Variants in CNTLN observed in about 807,000 individuals in gnomAD.
CNTLN encodes the protein centlein, centrosomal protein.
In CNTLN, 212 loss-of-function variants were observed where a neutral mutation model predicts 180.0. The ratio of observed to expected loss-of-function variants is 1.18; its 90% confidence interval spans 1.05 to 1.32. The LOEUF (loss-of-function observed/expected upper bound fraction) is 1.32. Among genes scored for constraint, CNTLN ranks in the 40% most tolerant of loss-of-function variants. CNTLN has a pLI of 0.00. For synonymous variants in CNTLN, 722 were observed against 563.1 expected, an observed-to-expected ratio of 1.28 and a Z score of -3.99; for missense variants, 2,095 against 1,610.9, an observed-to-expected ratio of 1.30 and a Z score of -5.14.
At chr9:17,337,673 G>C (rs1052949505) in intron 10 of CNTLN, among the ~76,000 whole-genome samples, 7 of 152,048 alleles carry the variant, frequency 4.6e-5, no homozygotes, top group Non-Finnish European at 8.8e-5. Flanking sequence ...TAGTTTCTAT[G>C]GACAATTAGG....
chr9:17,355,139 T>A (rs574506887), intron 12 of CNTLN, among the ~76,000 whole-genome samples: 2 of 152,316 alleles, frequency 1.3e-5, no homozygotes, highest in East Asian at 3.9e-4. Context: ...AGCTTCATTC[T>A]TGAAGTTAGT....
chr9:17,502,630 C>A lies in CNTLN; in HGVS notation c.4199C>A (p.Thr1400Lys), dbSNP rs563559086. ...EKKKLVEGYF[T>K]IMKDIR ...AAGAAACTAGTTGAAGGATATTTCACAATTATGAAAGATATTAGATGATAT... is the reference window on the plus strand; with the variant it reads ...AAGAAACTAGTTGAAGGATATTTCAAAATTATGAAAGATATTAGATGATAT... Residue 1400 changes from threonine to lysine, a missense_variant, in exon 26 of 26, where the codon ACA becomes AAA. By Grantham distance (78) the Thr-to-Lys change is moderately conservative (BLOSUM62 -1). Coordinates refer to ENST00000380647, the MANE Select transcript of CNTLN (RefSeq NM_017738.4). 3.9e-5 allele frequency: 52 copies of A among 1,328,976 alleles called. No homozygotes were observed. In the Middle Eastern group the frequency reaches 5.7e-4, roughly 14 times the overall value. The allele number at this position is 1,328,976 out of a possible 1,614,324, so 82.3% of individuals were successfully genotyped here.
chr9:17,192,332 G>A (rs951815108), intron 2 of CNTLN, among the ~76,000 whole-genome samples: 1 of 149,718 alleles, frequency 6.7e-6, no homozygotes, highest in African/African-American at 2.5e-5. Context: ...TCTGCCTCCC[G>A]GGTTCAAGCG....
intron 10 of CNTLN, among the ~76,000 whole-genome samples, chr9:17,337,230 T>C (rs568877910): frequency 6.6e-6 from 1 of 152,278 alleles, no homozygotes; most frequent in Non-Finnish European, 1.5e-5. Context: ...GATGGACAGA[T>C]TGCAAAAAAT....
chr9:17,332,476 T>C, intron 9 of CNTLN, 129 bp from the exon 10 acceptor site: 1 of 804,290 alleles, frequency 1.2e-6, no homozygotes, highest in South Asian at 1.8e-5. Flanking sequence ...TCTCTGGTAT[T>C]CCATGCAGGA....
intron 7 of CNTLN, among the ~76,000 whole-genome samples, chr9:17,305,148 G>A (rs1409236825): frequency 6.6e-6 from 1 of 152,080 alleles, no homozygotes; most frequent in Non-Finnish European, 1.5e-5. Context: ...GGAGTTGGAG[G>A]TTGAGGTCTT....
intron 5 of CNTLN, among the ~76,000 whole-genome samples, chr9:17,240,682 T>C (rs6475121): frequency 0.31 from 47,370 of 151,966 alleles, 10,027 homozygotes; most frequent in East Asian, 0.61. Flanking sequence ...GGATAGTTTG[T>C]ACATATTGTC....
intron 12 of CNTLN, among the ~76,000 whole-genome samples, chr9:17,347,335 T>C (rs1274529523): frequency 6.6e-6 from 1 of 152,200 alleles, no homozygotes; most frequent in Non-Finnish European, 1.5e-5. Flanking sequence ...TACCTTGGGT[T>C]ATGTCCGGAT....
chr9:17,508,852 G>A (rs1258110162), downstream of CNTLN, among the ~76,000 whole-genome samples: 1 of 152,202 alleles, frequency 6.6e-6, no homozygotes, highest in East Asian at 1.9e-4. Flanking sequence ...CACTCTTGAA[G>A]GTCAGGGACT....
At chr9:17,277,474 C>G (rs1236319626) in intron 6 of CNTLN, among the ~76,000 whole-genome samples, 1 of 151,948 alleles carries the variant, frequency 6.6e-6, no homozygotes, top group East Asian at 1.9e-4. Flanking sequence ...ATAAAATAAT[C>G]TGGACTTAAA....
At chr9:17,500,579 A>G (rs1833692788) in intron 25 of CNTLN, among the ~76,000 whole-genome samples, 1 of 152,184 alleles carries the variant, frequency 6.6e-6, no homozygotes, top group Non-Finnish European at 1.5e-5. Context: ...TGAATTTAGA[A>G]ATAGGATATT....
At chr9:17,522,052 C>T in the CNTLN span, among the ~76,000 whole-genome samples, 3 of 151,922 alleles carry the variant, frequency 2.0e-5, no homozygotes. Context: ...AATGAGATAC[C>T]CCCACCCCAC....
intron 7 of CNTLN, among the ~76,000 whole-genome samples, chr9:17,304,021 C>T (rs1469315764): frequency 2.6e-5 from 4 of 152,104 alleles, no homozygotes; most frequent in Admixed American, 6.6e-5. Flanking sequence ...CCTTACATTA[C>T]CCATTCTTTC....
rs566536035 is a variant in CNTLN, at chr9:17,290,899, C to T, written c.984-7291C>T. ...TGGTGCGTGCACCCACTGGCCTGCGCCCACTGTCTGGCACTCCCTAGTGAG... is the reference window on the plus strand; with the variant it reads ...TGGTGCGTGCACCCACTGGCCTGCGTCCACTGTCTGGCACTCCCTAGTGAG... On this transcript the variant is annotated intron_variant, in intron 6 of 25. Transcript: ENST00000380647. 1.1e-3 allele frequency among the ~76,000 whole-genome samples: 171 copies of T among 152,310 alleles called. 2 individuals are homozygous for T. Among genetic ancestry groups the T allele is most frequent in the African/African-American group, 3.8e-3 (157 of 41,570 alleles).
chr9:17,294,335 G>T (rs888934338), intron 6 of CNTLN, among the ~76,000 whole-genome samples: 3 of 151,940 alleles, frequency 2.0e-5, no homozygotes, highest in Admixed American at 6.6e-5. Context: ...ACAGAGAGCC[G>T]ATTGGTTTTA....
chr9:17,170,379 T>G (rs1820345644), intron 2 of CNTLN, among the ~76,000 whole-genome samples: 1 of 152,132 alleles, frequency 6.6e-6, no homozygotes, highest in Non-Finnish European at 1.5e-5. Context: ...TGGCCTTTCT[T>G]TCTTTTTCTT....
Position 17,212,924 on chromosome 9 carries a change from G to A in CNTLN, c.450-13279G>A, listed in dbSNP as rs186714254. Among the ~76,000 whole-genome samples the A allele has an allele frequency of 2.5e-3, 376 of 151,974 alleles. 1 individual carries two copies. Among genetic ancestry groups the A allele is most frequent in the African/African-American group, 8.2e-3 (341 of 41,458 alleles). ...TATCCCCTTTATCATTTTTTATTGC[G>A]TCTATTTGATTCTTCTCTCTTTTCT... On this transcript the variant is annotated intron_variant, in intron 2 of 25. Transcript: ENST00000380647.
At chr9:17,240,402 A>G (rs1446175296) in intron 5 of CNTLN, among the ~76,000 whole-genome samples, 1 of 152,138 alleles carries the variant, frequency 6.6e-6, no homozygotes, top group East Asian at 1.9e-4. Context: ...GACAGCTGCA[A>G]GTAGACATAG....
chr9:17,466,651 C>T (rs1008318251), intron 22 of CNTLN, 55 bp from the exon 23 acceptor site: 11 of 1,443,446 alleles, frequency 7.6e-6, no homozygotes, highest in East Asian at 2.5e-5. Flanking sequence ...ATAACTAACT[C>T]TTCCAAATCT....
Sources: gnomAD v4.1 joint callset for allele counts (sites outside exome capture counted in the v4.1 genomes callset) on GRCh38, gnomAD v4.1.1 for gene constraint, MANE v1.5 for transcripts, NCBI Gene and HGNC (gene_info 2026-07-23, HGNC 2026-07-21) for gene names.